The following ARFGEF1 variants were observed in gnomAD, a reference collection of about 807,000 sequenced individuals.
ARFGEF1 encodes the protein ARF guanine nucleotide exchange factor 1, also known as brefeldin A-inhibited guanine nucleotide-exchange protein 1.
ARFGEF1 carries 42 observed loss-of-function variants against 231.0 expected under a neutral mutation model. The observed-to-expected ratio is 0.18, with a 90% CI of 0.14 to 0.24. ARFGEF1 has a LOEUF of 0.24. Among genes scored for constraint, ARFGEF1 ranks in the 10% least tolerant of loss-of-function variants. The pLI is 1.00. For synonymous variants in ARFGEF1, 710 were observed against 732.3 expected, an observed-to-expected ratio of 0.97 and a Z score of 0.49; for missense variants, 1,345 against 2,192.0, an observed-to-expected ratio of 0.61 and a Z score of 7.72.
intron 29 of ARFGEF1, among the ~76,000 whole-genome samples, chr8:67,224,340 G>C (rs1839300991): frequency 6.6e-6 from 1 of 152,134 alleles, no homozygotes. Context: ...CCTAAGAACA[G>C]TGTGTTAGCA....
chr8:67,258,711 A>G (rs1266848791), intron 15 of ARFGEF1, among the ~76,000 whole-genome samples: 1 of 152,168 alleles, frequency 6.6e-6, no homozygotes, highest in Non-Finnish European at 1.5e-5. Context: ...ACTTTTGATT[A>G]TAGAGTTAAC....
At chr8:67,266,228 A>G (rs1461680901) in intron 13 of ARFGEF1, 21 bp from the exon 14 acceptor site, 2 of 1,599,772 alleles carry the variant, frequency 1.3e-6, no homozygotes, top group Non-Finnish European at 8.6e-7. Context: ...AAAAATTGAT[A>G]GAGTACATTA....
chr8:67,230,775 T>A (rs1839528503), intron 23 of ARFGEF1, among the ~76,000 whole-genome samples: 1 of 152,082 alleles, frequency 6.6e-6, no homozygotes, highest in Non-Finnish European at 1.5e-5. Context: ...ATGAAATTGG[T>A]CTAATTTAAC....
chr8:67,234,110 C>A (rs559184903), intron 22 of ARFGEF1, among the ~76,000 whole-genome samples: 1 of 152,106 alleles, frequency 6.6e-6, no homozygotes, highest in African/African-American at 2.4e-5. Flanking sequence ...AAACACTTGA[C>A]CTGAGTGACC....
intron 34 of ARFGEF1, among the ~76,000 whole-genome samples, chr8:67,206,342 G>A (rs547471486): frequency 2.7e-5 from 4 of 150,596 alleles, no homozygotes; most frequent in South Asian, 2.1e-4. Context: ...CCCGGGAGGC[G>A]GAGGTTGCAG....
chr8:67,228,345 T>C (rs1563850735), intron 23 of ARFGEF1, 81 bp from the exon 24 acceptor site: 2 of 1,328,600 alleles, frequency 1.5e-6, no homozygotes, highest in South Asian at 1.3e-5. Flanking sequence ...CATGGGGTAC[T>C]AGCTATTTTT....
At chr8:67,224,788 T>C (rs1839316498) in intron 29 of ARFGEF1, 115 bp downstream of exon 29, 1 of 627,378 alleles carries the variant, frequency 1.6e-6, no homozygotes, top group South Asian at 6.3e-5. Context: ...TTAATATATT[T>C]GACAAAACAC....
rs758344561 is a variant in ARFGEF1 at position 67,190,772 on chromosome 8, CT to C, written c.560+9623del. 9 of 1,551,610 alleles carry C rather than the reference CT, an allele frequency of 5.8e-6. No homozygotes were observed. Among genetic ancestry groups the C allele is most frequent in the South Asian group, 1.1e-5 (1 of 89,780 alleles). On this transcript the variant is annotated intron_variant, in intron 5 of 5. Transcript: ENST00000518789. ...AGGACTAGACATTGTATGTATGAGA[CT>C]TTTCTCCCCCTTTTCAACTTAGAAG... is the stretch of plus-strand genomic sequence containing the variant.
chr8:67,264,685 T>C (rs1804776921), intron 14 of ARFGEF1, among the ~76,000 whole-genome samples: 1 of 152,106 alleles, frequency 6.6e-6, no homozygotes. Flanking sequence ...GGAATACAGT[T>C]CCATGAAAGC....
chr8:67,217,979 G>A (rs1838995850), intron 31 of ARFGEF1, 24 bp downstream of exon 31: 2 of 1,611,908 alleles, frequency 1.2e-6, no homozygotes, highest in Non-Finnish European at 1.7e-6. Context: ...AACACTTTGT[G>A]TCACATATCT....
Position 67,343,342 on chromosome 8 carries a change from G to C in ARFGEF1, c.-55C>G. Reference sequence around the variant, plus strand: ...CGACCCGCGGCTCCCAGCGGCTGGAGGGGAGGAGGAGGAGAGGAAGGAAGA... The same window carrying C: ...CGACCCGCGGCTCCCAGCGGCTGGACGGGAGGAGGAGGAGAGGAAGGAAGA... On this transcript the variant is annotated 5_prime_UTR_variant, in exon 1 of 39. Transcript: ENST00000262215. 6.2e-7 allele frequency: 1 copy of C among 1,602,676 alleles called. No individual in the cohort carries two copies. Among genetic ancestry groups the C allele is most frequent in the East Asian group, 2.2e-5 (1 of 44,608 alleles).
In ARFGEF1 at chr8:67,291,997, G is replaced by A; in HGVS notation, c.766C>T (p.His256Tyr). ...TCCCCTTCGTGTTCTTGGGATATAT[G>A]ATCAACAGTCTGAGGTGGCAAATAT... ...LRYLPPQTVD[H>Y]ISQEHEGDLD... The change falls in exon 6 of 39, where the codon CAT becomes TAT. Residue 256 changes from histidine (H) to tyrosine (Y), a missense_variant. Coordinates refer to ENST00000262215, the MANE Select transcript of ARFGEF1 (RefSeq NM_006421.5). The A allele has an allele frequency of 6.2e-7, 1 of 1,613,958 alleles. No homozygotes were observed. The highest frequency in any genetic ancestry group is 8.5e-7 in the Non-Finnish European group (1 of 1,179,902).
intron 20 of ARFGEF1, among the ~76,000 whole-genome samples, chr8:67,239,254 C>T (rs1192520687): frequency 6.6e-6 from 1 of 152,106 alleles, no homozygotes; most frequent in Non-Finnish European, 1.5e-5. Flanking sequence ...GATCTGCCCG[C>T]CTCGACCTCC....
chr8:67,230,322 C>T lies in ARFGEF1; in HGVS notation c.3381-2058G>A, dbSNP rs563305935. On this transcript the variant is annotated intron_variant, in intron 23 of 38. Coordinates refer to ENST00000262215, the MANE Select transcript of ARFGEF1 (RefSeq NM_006421.5). ...GTTTGTGAATATTAAAAATCATGTG[C>T]TTTTTAAAAAGCATTAGAAAAAAAC... Among the ~76,000 whole-genome samples, 127 of 152,082 alleles carry T rather than the reference C, an allele frequency of 8.4e-4. 2 individuals are homozygous for T. In the South Asian group the frequency reaches 0.026, roughly 31 times the overall value.
rs1158560535 is a variant in ARFGEF1, at chr8:67,216,618, G to A, written c.4658C>T (p.Pro1553Leu). ...TGGCTTTTCACTTACAGGAGATGGA[G>A]GTGGGGGGGCAGTTTCTCCAGAATT... is the stretch of plus-strand genomic sequence containing the variant. ...RPNSGETAPP[P>L]PSPVSEKPLD... The change falls in exon 33 of 39, where the codon CCT becomes CTT. Residue 1553 changes from proline (P) to leucine (L), a missense_variant. Coordinates refer to ENST00000262215, the MANE Select transcript of ARFGEF1 (RefSeq NM_006421.5). 1.8e-5 allele frequency: 29 copies of A among 1,605,440 alleles called. No individual in the cohort carries two copies. Among genetic ancestry groups the A allele is most frequent in the Non-Finnish European group, 2.1e-5 (25 of 1,177,574 alleles).
chr8:67,203,498 T>C (rs1424230461), intron 35 of ARFGEF1, among the ~76,000 whole-genome samples: 1 of 152,074 alleles, frequency 6.6e-6, no homozygotes, highest in Non-Finnish European at 1.5e-5. Flanking sequence ...GCCCCTCAAG[T>C]CCTCCCTTCT....
intron 1 of ARFGEF1, among the ~76,000 whole-genome samples, chr8:67,323,708 G>C (rs1165521046): frequency 6.6e-6 from 1 of 152,134 alleles, no homozygotes; most frequent in East Asian, 1.9e-4. Flanking sequence ...TCCATATTCA[G>C]TGCCTCAGGT....
At position 67,211,486 on chromosome 8, in the gene ARFGEF1, C is replaced by T; in HGVS notation, c.4816G>A (p.Ala1606Thr). The change falls in exon 34 of 39, where the codon GCA (alanine) becomes ACA (threonine). Residue 1606 changes from alanine (A) to threonine (T), a missense_variant. By Grantham distance (58) the Ala-to-Thr change is moderately conservative. This residue lies in a region of ARFGEF1 where 89 missense variants were observed against 74.8 expected (regional missense o/e 1.19). Coordinates refer to ENST00000262215, the MANE Select transcript of ARFGEF1 (RefSeq NM_006421.5). The stretch of plus-strand genomic sequence containing the variant: ...TTTATTTAGAGAAATAACTCACTTG[C>T]TGTAGATTTAATTTTGCTGACTTCT... Reference protein sequence around the residue: ...NEEVSKIKSTAKFPEQKLFAA... With the variant: ...NEEVSKIKSTTKFPEQKLFAA... 1.3e-6 allele frequency: 2 copies of T among 1,569,544 alleles called. No individual in the cohort carries two copies. Among genetic ancestry groups the T allele is most frequent in the Non-Finnish European group, 1.7e-6 (2 of 1,162,146 alleles).
At chr8:67,246,607 T>G (rs1213800216) in intron 19 of ARFGEF1, among the ~76,000 whole-genome samples, 1 of 149,746 alleles carries the variant, frequency 6.7e-6, no homozygotes, top group African/African-American at 2.5e-5. Flanking sequence ...ATAGTGAAAG[T>G]AGTCCTAAGA....
Sources: allele counts gnomAD v4.1 joint callset (sites outside exome capture counted in the v4.1 genomes callset), GRCh38; gene constraint gnomAD v4.1.1; regional missense constraint gnomAD v4.1.1; transcripts MANE v1.5; gene names NCBI Gene and HGNC (gene_info 2026-07-23, HGNC 2026-07-21).